The following CLVS1 variants were observed in gnomAD, a reference collection of about 807,000 sequenced individuals.
CLVS1 encodes the protein clavesin-1.
In CLVS1, 10 loss-of-function variants were observed where a neutral mutation model predicts 33.1. That is an observed-to-expected ratio of 0.30 (90% CI 0.19 to 0.51). The LOEUF (loss-of-function observed/expected upper bound fraction) is 0.51. CLVS1 is among the 20% of genes least tolerant of loss of function. The pLI is 0.97. For synonymous variants in CLVS1, 163 were observed against 166.1 expected (o/e 0.98, Z 0.14); for missense variants, 343 against 433.4 (o/e 0.79, Z 1.85).
intron 2 of CLVS1, among the ~76,000 whole-genome samples, chr8:61,134,896 G>T (rs567807084): frequency 6.6e-6 from 1 of 152,048 alleles, no homozygotes; most frequent in Non-Finnish European, 1.5e-5. Flanking sequence ...TGCTGGGGGG[G>T]TGGGTAGTTT....
At chr8:61,062,628 C>A (rs558861292) in intron 1 of CLVS1, among the ~76,000 whole-genome samples, 29 of 152,322 alleles carry the variant, frequency 1.9e-4, no homozygotes, top group African/African-American at 6.5e-4. Context: ...AAGTCTATGG[C>A]AGGATCTGGC....
intron 3 of CLVS1, among the ~76,000 whole-genome samples, chr8:61,405,035 C>T (rs1475830285): frequency 2.0e-5 from 3 of 152,200 alleles, no homozygotes; most frequent in African/African-American, 7.2e-5. Context: ...GAAACAGCTG[C>T]TGCTTGAGTC....
intron 5 of CLVS1, among the ~76,000 whole-genome samples, chr8:61,477,514 G>A (rs1817998606): frequency 6.6e-6 from 1 of 152,078 alleles, no homozygotes; most frequent in Non-Finnish European, 1.5e-5. Flanking sequence ...ACTTCTTCCT[G>A]GTTTAGTCTT....
At chr8:61,130,321 G>A (rs1806069961) in intron 1 of CLVS1, among the ~76,000 whole-genome samples, 1 of 151,930 alleles carries the variant, frequency 6.6e-6, no homozygotes, top group Admixed American at 6.6e-5. Context: ...CACATCTACT[G>A]TAAAGTTCCA....
At chr8:61,492,511 C>T (rs369532825) in intron 5 of CLVS1, among the ~76,000 whole-genome samples, 1 of 152,226 alleles carries the variant, frequency 6.6e-6, no homozygotes, top group East Asian at 1.9e-4. Flanking sequence ...TCTGAAGGTG[C>T]ACATGTTTTT....
chr8:61,166,756 G>A (rs1225199451), intron 2 of CLVS1, among the ~76,000 whole-genome samples: 6 of 151,834 alleles, frequency 4.0e-5, no homozygotes, highest in South Asian at 2.1e-4. Flanking sequence ...GCAAAGAGCC[G>A]GGAAACAGGA....
chr8:61,051,418 C>T, the CLVS1 span, among the ~76,000 whole-genome samples: 1 of 152,226 alleles, frequency 6.6e-6, no homozygotes, highest in African/African-American at 2.4e-5. Flanking sequence ...GGGGTCCCCT[C>T]TAAGCTGGGA....
At position 61,405,758 on chromosome 8, in the gene CLVS1, A is replaced by G. The variant is rs371360845; in HGVS notation, c.630+28979A>G. 2.3e-3 allele frequency among the ~76,000 whole-genome samples: 331 copies of G among 145,268 alleles called. 2 individuals carry two copies. The highest frequency in any genetic ancestry group is 7.9e-3 in the African/African-American group (303 of 38,386). On this transcript the variant is annotated intron_variant, in intron 3 of 5. Coordinates refer to ENST00000325897, the MANE Select transcript of CLVS1 (RefSeq NM_173519.3). ...CAAGGCACTGTGGAAGATGAGATCT[A>G]GCATAGTCAGGTGCCACTGTCTTAA... is the stretch of plus-strand genomic sequence containing the variant.
rs1480249880 is a variant in CLVS1, at chr8:61,120,621, A to G, written c.-242-11149A>G. 6.8e-4 allele frequency among the ~76,000 whole-genome samples: 85 copies of G among 124,774 alleles called. 5 individuals are homozygous for G. The East Asian group carries it at 8.4e-3, about 12-fold the overall frequency. 81.9% of individuals were successfully genotyped at this position (124,774 alleles called of 152,430 possible). A position where few individuals can be genotyped will look rare whatever the true frequency, so the allele number is the denominator to read the frequency against. ...GGACCCTCAGCTGCAGGTCTGTTGG[A>G]ATACCCTGCCGTGTGAGGTGTCAGT... is the stretch of plus-strand genomic sequence containing the variant. On this transcript the variant is annotated intron_variant, in intron 1 of 2. Coordinates refer to the CLVS1 transcript ENST00000522621.
intron 3 of CLVS1, among the ~76,000 whole-genome samples, chr8:61,410,233 G>A (rs1815167886): frequency 6.6e-6 from 1 of 151,886 alleles, no homozygotes; most frequent in African/African-American, 2.4e-5. Flanking sequence ...AGTGTGAGAT[G>A]TTTTGTTTTT....
chr8:61,016,435 G>T, the CLVS1 span, among the ~76,000 whole-genome samples: 2,014 of 152,306 alleles, frequency 0.013, 22 homozygotes, highest in Non-Finnish European at 0.02. Context: ...TTCACCAAGG[G>T]CTCTGTCTGA....
chr8:61,353,659 A>C (rs1413003252), intron 2 of CLVS1, among the ~76,000 whole-genome samples: 3 of 151,756 alleles, frequency 2.0e-5, no homozygotes, highest in Non-Finnish European at 4.4e-5. Context: ...TCAAGTCAAA[A>C]ATCTGTTCTA....
intron 3 of CLVS1, among the ~76,000 whole-genome samples, chr8:61,412,823 T>A (rs573602969): frequency 2.0e-5 from 3 of 152,348 alleles, no homozygotes; most frequent in Admixed American, 6.5e-5. Flanking sequence ...TGTCAGCTAA[T>A]GAGTCAAGAA....
At chr8:61,097,679 T>A (rs1437772253) in intron 1 of CLVS1, among the ~76,000 whole-genome samples, 2 of 152,194 alleles carry the variant, frequency 1.3e-5, no homozygotes, top group Non-Finnish European at 2.9e-5. Flanking sequence ...AAACCTCATC[T>A]CCACTATTAA....
chr8:61,195,004 A>G (rs1215390295), intron 2 of CLVS1, among the ~76,000 whole-genome samples: 1 of 151,976 alleles, frequency 6.6e-6, no homozygotes, highest in Non-Finnish European at 1.5e-5. Context: ...ATGAGAAAGT[A>G]TTTTGAACAG....
In CLVS1 at chr8:61,282,637, G is replaced by A. The variant is rs368624617; in HGVS notation, c.-151-17040G>A. Among the ~76,000 whole-genome samples the A allele has an allele frequency of 3.9e-5, 6 of 152,306 alleles. No homozygotes were observed. In the East Asian group the frequency reaches 1.2e-3, roughly 29 times the overall value. ...ATACAAGTACTCCCTCATGTTAATT[G>A]CTGTGAGGATTCAATGCCATATTGC... On this transcript the variant is annotated intron_variant, in intron 2 of 2. Coordinates refer to the CLVS1 transcript ENST00000522621.
At chr8:60,969,918 G>A in the CLVS1 span, among the ~76,000 whole-genome samples, 4 of 152,196 alleles carry the variant, frequency 2.6e-5, no homozygotes, top group East Asian at 5.8e-4. Flanking sequence ...ATGTGCATGG[G>A]TTCTATGCAA....
In CLVS1 at chr8:61,400,211, G is replaced by A. The variant is rs139907219; in HGVS notation, c.630+23432G>A. On this transcript the variant is annotated intron_variant, in intron 3 of 5. Transcript: ENST00000325897. ...TGTTTGAGTAAACTCAGATTTCTTT[G>A]AGCAGTGATTTGTACCTGTCCTTGA... 8.0e-3 allele frequency among the ~76,000 whole-genome samples: 1,222 copies of A among 152,124 alleles called. 19 individuals are homozygous for A. Among genetic ancestry groups the A allele is most frequent in the African/African-American group, 0.027 (1,122 of 41,506 alleles).
intron 3 of CLVS1, among the ~76,000 whole-genome samples, chr8:61,431,459 T>C (rs150691353): frequency 1.4e-4 from 21 of 152,310 alleles, no homozygotes; most frequent in Admixed American, 3.3e-4. Context: ...CTATGGGAAA[T>C]ACTAGTTTAG....
Sources: gnomAD v4.1 joint callset for allele counts (sites outside exome capture counted in the v4.1 genomes callset) on GRCh38, gnomAD v4.1.1 for gene constraint, MANE v1.5 for transcripts, NCBI Gene and HGNC (gene_info 2026-07-23, HGNC 2026-07-21) for gene names.